CARMIL1: variants seen among roughly 807,000 people sequenced by gnomAD.
The protein encoded by CARMIL1 is capping protein regulator and myosin 1 linker 1, also known as F-actin-uncapping protein LRRC16A.
A neutral mutation model predicts 177.1 loss-of-function variants in CARMIL1; 90 were observed. The ratio of observed to expected loss-of-function variants is 0.51; its 90% CI spans 0.43 to 0.61. The LOEUF (loss-of-function observed/expected upper bound fraction) is 0.61, where lower values mean the gene tolerates loss of function less well. Ranked by LOEUF, CARMIL1 falls within the 20% of genes least tolerant of loss-of-function variation. The pLI, the probability that CARMIL1 is intolerant of heterozygous loss-of-function variation, is 0.00. For synonymous variants in CARMIL1, 577 were observed against 606.2 expected, an observed-to-expected ratio of 0.95 and a Z score of 0.71; for missense variants, 1,380 against 1,667.0, an observed-to-expected ratio of 0.83 and a Z score of 3.00.
intron 2 of CARMIL1, among the ~76,000 whole-genome samples, chr6:25,308,377 ATTTTTTTT>A: frequency 1.7e-5 from 2 of 118,834 alleles, no homozygotes; most frequent in Admixed American, 1.7e-4. Context: ...TTGTACAACC[ATTTTTTTT>A]TTTTTTTTTT....
chr6:25,604,047 GA>G (rs1815692551), intron 33 of CARMIL1, among the ~76,000 whole-genome samples: 1 of 152,236 alleles, frequency 6.6e-6, no homozygotes, highest in South Asian at 2.1e-4. Context: ...ATTGAGGTTG[GA>G]AAGGTTTCTG....
chr6:25,285,324 G>T (rs955323393), intron 2 of CARMIL1, among the ~76,000 whole-genome samples: 1 of 152,152 alleles, frequency 6.6e-6, no homozygotes, highest in Non-Finnish European at 1.5e-5. Context: ...GATTTTCTCA[G>T]ATGTTATATA....
At chr6:25,500,540 G>A (rs890705681) in intron 17 of CARMIL1, among the ~76,000 whole-genome samples, 1 of 152,064 alleles carries the variant, frequency 6.6e-6, no homozygotes, top group African/African-American at 2.4e-5. Flanking sequence ...TTGCTTTGCC[G>A]TCATGAAAAT....
intron 31 of CARMIL1, among the ~76,000 whole-genome samples, chr6:25,589,364 G>A (rs7767930): frequency 0.18 from 28,139 of 152,122 alleles, 2,832 homozygotes; most frequent in East Asian, 0.4. Context: ...CTCTTTCGAT[G>A]TACTTCATAT....
At chr6:25,437,574 C>T (rs9461171) in intron 5 of CARMIL1, among the ~76,000 whole-genome samples, 23,151 of 152,154 alleles carry the variant, frequency 0.15, 2,028 homozygotes, top group African/African-American at 0.24. Context: ...CCCAGGTCTT[C>T]GTCCCCACCT....
At chr6:25,501,361 C>G (rs1448271398) in intron 17 of CARMIL1, among the ~76,000 whole-genome samples, 3 of 152,136 alleles carry the variant, frequency 2.0e-5, no homozygotes, top group Non-Finnish European at 2.9e-5. Context: ...CTCCTGCATG[C>G]GTGCATCAGC....
intron 23 of CARMIL1, among the ~76,000 whole-genome samples, chr6:25,523,441 A>G (rs1050306457): frequency 1.3e-5 from 2 of 152,240 alleles, no homozygotes; most frequent in African/African-American, 4.8e-5. Flanking sequence ...GATATGGAAA[A>G]CAAAGAGTAG....
At chr6:25,458,826 A>T (rs1369382413) in intron 8 of CARMIL1, among the ~76,000 whole-genome samples, 1 of 152,162 alleles carries the variant, frequency 6.6e-6, no homozygotes, top group Non-Finnish European at 1.5e-5. Context: ...GTTAATAATT[A>T]TACCTCTCTT....
chr6:25,403,388 T>G (rs1794059220), intron 2 of CARMIL1, among the ~76,000 whole-genome samples: 1 of 152,156 alleles, frequency 6.6e-6, no homozygotes, highest in Non-Finnish European at 1.5e-5. Flanking sequence ...CTGAGCTCCC[T>G]GCTTCCACTC....
At chr6:25,410,612 TTTG>T (rs1794817722) in intron 2 of CARMIL1, among the ~76,000 whole-genome samples, 1 of 152,070 alleles carries the variant, frequency 6.6e-6, no homozygotes, top group East Asian at 1.9e-4. Context: ...GGAGGGGACT[TTTG>T]CGCCCTAGGC....
intron 31 of CARMIL1, among the ~76,000 whole-genome samples, chr6:25,586,221 G>A (rs1366923148): frequency 3.4e-5 from 5 of 146,114 alleles, no homozygotes; most frequent in South Asian, 4.4e-4. Flanking sequence ...GGGCGGAGGG[G>A]CTCCTCACTT....
At chr6:25,586,831 G>T in intron 31 of CARMIL1, among the ~76,000 whole-genome samples, 1 of 152,104 alleles carries the variant, frequency 6.6e-6, no homozygotes, top group Non-Finnish European at 1.5e-5. Context: ...GCGCGCGCCT[G>T]CAATCCCAGG....
At chr6:25,480,064 T>G (rs943142309) in intron 11 of CARMIL1, among the ~76,000 whole-genome samples, 3 of 152,184 alleles carry the variant, frequency 2.0e-5, no homozygotes, top group African/African-American at 4.8e-5. Context: ...TGTTATTTGT[T>G]GAGACTTTCT....
At position 25,326,103 on chromosome 6, in the gene CARMIL1, C is replaced by T. The variant is rs770096532; in HGVS notation, c.138+41194C>T. On this transcript the variant is annotated intron_variant, in intron 2 of 36. Coordinates refer to ENST00000329474, the MANE Select transcript of CARMIL1 (RefSeq NM_017640.6). This position sits in a 1 kb window ranked among gnomAD's most constrained non-coding sequence, Gnocchi z 4.2. ...CAGGATGGTGTCGATTTCCTGACCTCGTGATCCGCCCACCTCAGCCTCCCA... is the reference window on the plus strand; with the variant it reads ...CAGGATGGTGTCGATTTCCTGACCTTGTGATCCGCCCACCTCAGCCTCCCA... Among the ~76,000 whole-genome samples the T allele has an allele frequency of 8.5e-5, 13 of 152,056 alleles. No homozygotes were observed. The highest frequency in any genetic ancestry group is 2.1e-4 in the South Asian group (1 of 4,818).
At chr6:25,493,556 C>T (rs1210347953) in intron 15 of CARMIL1, among the ~76,000 whole-genome samples, 1 of 152,158 alleles carries the variant, frequency 6.6e-6, no homozygotes, top group Admixed American at 6.5e-5. Context: ...GGCAGAGCAG[C>T]CTCCTATCTA....
At chr6:25,454,740 A>G (rs907851757) in intron 8 of CARMIL1, among the ~76,000 whole-genome samples, 2 of 152,208 alleles carry the variant, frequency 1.3e-5, no homozygotes, top group African/African-American at 4.8e-5. Context: ...GGGCTTTGAT[A>G]GTATTTTGCT....
chr6:25,517,245 A>G, intron 21 of CARMIL1, 102 bp from the exon 22 acceptor site: 2 of 788,276 alleles, frequency 2.5e-6, no homozygotes. Context: ...ATGCAGCTGT[A>G]CTGAAATATC....
intron 2 of CARMIL1, among the ~76,000 whole-genome samples, chr6:25,311,917 C>T (rs985967756): frequency 3.3e-5 from 5 of 152,334 alleles, no homozygotes; most frequent in East Asian, 3.9e-4. Context: ...GCATTAGCCG[C>T]CTGTCAAACT....
Position 25,346,491 on chromosome 6 carries a change from C to A in CARMIL1, c.138+61582C>A, listed in dbSNP as rs535772608. On this transcript the variant is annotated intron_variant, in intron 2 of 36. Transcript: ENST00000329474. ...GGCCACCAATCTTAACTTTCCACACCCCTCCTGACACTTTCTGTCTCCTTT... is the reference window on the plus strand; with the variant it reads ...GGCCACCAATCTTAACTTTCCACACACCTCCTGACACTTTCTGTCTCCTTT... 7.2e-5 allele frequency among the ~76,000 whole-genome samples: 11 copies of A among 152,236 alleles called. No homozygotes were observed. The South Asian group carries it at 2.3e-3, about 32-fold the overall frequency.
Sources: gnomAD v4.1 joint callset for allele counts (sites outside exome capture counted in the v4.1 genomes callset) on GRCh38, gnomAD v4.1.1 for gene constraint, Gnocchi (gnomAD v3.1) non-coding constraint, MANE v1.5 for transcripts, NCBI Gene and HGNC (gene_info 2026-07-23, HGNC 2026-07-21) for gene names.